Variants in NIN observed in about 807,000 individuals in gnomAD.
The protein encoded by NIN is ninein, also known as glycogen synthase kinase 3 beta-interacting protein.
Under a neutral mutation model 257.6 loss-of-function variants are expected in NIN, and 137 were observed. The ratio of observed to expected loss-of-function variants is 0.53; its 90% CI spans 0.46 to 0.61. The LOEUF is 0.61. Among genes scored for constraint, NIN ranks in the 20% least tolerant of loss-of-function variants. The pLI is 0.00. For synonymous variants in NIN, 918 were observed against 919.8 expected, an observed-to-expected ratio of 1.00 and a Z score of 0.04; for missense variants, 2,439 against 2,501.2, an observed-to-expected ratio of 0.98 and a Z score of 0.53.
Position 50,754,761 on chromosome 14 carries a change from C to A in NIN, c.4645G>T (p.Gly1549Ter). 6.3e-7 allele frequency: 1 copy of A among 1,581,752 alleles called. No individual in the cohort carries two copies. The highest frequency in any genetic ancestry group is 8.6e-7 in the Non-Finnish European group (1 of 1,160,078). Residue 1549 changes from glycine (G) to a stop codon, truncating the protein, a stop_gained, in exon 19 of 31, where the codon GGA becomes TGA. Coordinates refer to ENST00000530997, the MANE Select transcript of NIN (RefSeq NM_020921.4). LOFTEE classifies it high-confidence loss of function. ...TCTTACCACATTTCTTCCTGAGATC[C>A]ATTTAATGTCCCTAATTTCAGGTTA... ...ISNLKLGTLNGSQEEMWQKTE... is the reference protein window; with the variant it reads ...ISNLKLGTLN
intron 2 of NIN, among the ~76,000 whole-genome samples, chr14:50,828,796 G>A (rs571394554): frequency 2.1e-4 from 32 of 152,276 alleles, no homozygotes; most frequent in African/African-American, 7.2e-4. Flanking sequence ...ATTACATTAA[G>A]ATTGGCTGTT....
intron 3 of NIN, among the ~76,000 whole-genome samples, chr14:50,817,482 T>C (rs949296213): frequency 3.3e-5 from 5 of 152,220 alleles, no homozygotes; most frequent in Non-Finnish European, 7.3e-5. Flanking sequence ...CTAAATTATA[T>C]ATATTTGTAC....
rs762140173 is a variant in NIN at position 50,739,389 on chromosome 14, C to CTGT, written c.5544_5546dup (p.Gln1850dup). The CTGT allele has an allele frequency of 2.6e-5, 42 of 1,614,104 alleles. No individual in the cohort carries two copies. Among genetic ancestry groups the CTGT allele is most frequent in the Non-Finnish European group, 2.7e-5 (32 of 1,180,038 alleles). ...TCTCATTCTCTTGCCAAAGCAGCTG[C>CTGT]TGTTCCTCATTCATCAGATGATCCA... On this transcript the variant is annotated inframe_insertion, in exon 26 of 31. Transcript: ENST00000530997.
In NIN at chr14:50,720,132, G is replaced by C. The variant is rs2040243265; in HGVS notation, c.*3331C>G. On this transcript the variant is annotated 3_prime_UTR_variant, in exon 31 of 31. Coordinates refer to ENST00000530997, the MANE Select transcript of NIN (RefSeq NM_020921.4). ...AAAACCAAAACTATTTTACAGTGCT[G>C]AGAGGTCCAGATAGGTCCAAACATG... 4.5e-6 allele frequency: 1 copy of C among 222,142 alleles called. No individual in the cohort carries two copies. The highest frequency in any genetic ancestry group is 2.2e-5 in the African/African-American group (1 of 44,724). The allele number at this position is 222,142 out of a possible 1,614,324, so 13.8% of individuals were successfully genotyped here.
rs1245766720 is a variant in NIN at position 50,770,842 on chromosome 14, C to T, written c.1259+10G>A. On this transcript the variant is annotated intron_variant, in intron 11 of 30. Coordinates refer to ENST00000530997, the MANE Select transcript of NIN (RefSeq NM_020921.4). ...GTGGGTGAGGAGGAGCCTCACTCTG[C>T]TGGCCTCACCTGAGGTTGTACTCAT... 2.5e-6 allele frequency: 4 copies of T among 1,610,242 alleles called. No individual in the cohort carries two copies. Among genetic ancestry groups the T allele is most frequent in the Non-Finnish European group, 3.4e-6 (4 of 1,178,342 alleles).
chr14:50,775,997 A>T (rs921965354), intron 7 of NIN, among the ~76,000 whole-genome samples: 2 of 152,180 alleles, frequency 1.3e-5, no homozygotes, highest in African/African-American at 4.8e-5. Flanking sequence ...AAAATAAATC[A>T]AAAGCTATTA....
chr14:50,818,905 AAAAAAC>A lies in NIN; in HGVS notation c.183+2963_183+2968del, dbSNP rs1176687015. On this transcript the variant is annotated intron_variant, in intron 3 of 30. Transcript: ENST00000530997. Reference sequence around the variant, plus strand: ...ATTAAACATTAGGCCTCAAAAAAAAAAAAAACAAGTTATTGAAGATGCGTTGTAATA... The same window carrying A: ...ATTAAACATTAGGCCTCAAAAAAAAAAAGTTATTGAAGATGCGTTGTAATA... 4.6e-5 allele frequency among the ~76,000 whole-genome samples: 7 copies of A among 152,346 alleles called. No individual in the cohort carries two copies. In the East Asian group the frequency reaches 1.3e-3, roughly 29 times the overall value.
At chr14:50,776,817 T>C (rs2042941315) in intron 7 of NIN, 132 bp downstream of exon 7, 1 of 797,870 alleles carries the variant, frequency 1.3e-6, no homozygotes. Context: ...AGAATCTTCA[T>C]GAATGACTTC....
rs888909647 is a variant in NIN at position 50,721,732 on chromosome 14, C to T, written c.*1731G>A. On this transcript the variant is annotated 3_prime_UTR_variant, in exon 31 of 31. Transcript: ENST00000530997. Reference sequence around the variant, plus strand: ...TTATCCAGGGGGAACTCAGGGCTTTCTGACAAGAGCTGTGCAAAAATTCAA... The same window carrying T: ...TTATCCAGGGGGAACTCAGGGCTTTTTGACAAGAGCTGTGCAAAAATTCAA... 9.1e-6 allele frequency: 2 copies of T among 220,662 alleles called. No individual in the cohort carries two copies. Among genetic ancestry groups the T allele is most frequent in the African/African-American group, 4.5e-5 (2 of 44,652 alleles). 13.7% of individuals were successfully genotyped at this position (220,662 alleles called of 1,614,324 possible).
intron 2 of NIN, among the ~76,000 whole-genome samples, chr14:50,822,386 G>A (rs72683653): frequency 0.02 from 3,116 of 152,330 alleles, 44 homozygotes; most frequent in Non-Finnish European, 0.034. Context: ...GTTCTCAGGC[G>A]GACAGCCAGA....
chr14:50,808,291 C>T (rs1313277977), intron 3 of NIN, among the ~76,000 whole-genome samples: 3 of 152,228 alleles, frequency 2.0e-5, no homozygotes, highest in African/African-American at 7.2e-5. Context: ...CAAGGATAGG[C>T]TCCAGTTAAC....
At chr14:50,800,439 T>C (rs2044048043) in intron 4 of NIN, among the ~76,000 whole-genome samples, 1 of 152,248 alleles carries the variant, frequency 6.6e-6, no homozygotes, top group Non-Finnish European at 1.5e-5. Flanking sequence ...ATGTTGGTGC[T>C]TAAAAGTCTT....
intron 3 of NIN, among the ~76,000 whole-genome samples, chr14:50,814,905 G>T (rs971834567): frequency 1.3e-5 from 2 of 152,148 alleles, no homozygotes; most frequent in Non-Finnish European, 1.5e-5. Flanking sequence ...GTAGATTAAA[G>T]ATTTAAATGT....
intron 30 of NIN, chr14:50,724,243 G>A (rs948331314): frequency 9.6e-6 from 2 of 207,358 alleles, no homozygotes; most frequent in Non-Finnish European, 2.0e-5. Flanking sequence ...GGTTGGGGTG[G>A]GAAAACTTGT....
In NIN at chr14:50,827,591, C is replaced by CA. The variant is rs11351454; in HGVS notation, c.-22+2872dup. Reference sequence around the variant, plus strand: ...TGAAACCCTGTCTCTACTAAAAATACAAAAAAAAAAAAAAAAATAGCTAGG... The same window carrying CA: ...TGAAACCCTGTCTCTACTAAAAATACAAAAAAAAAAAAAAAAAATAGCTAGG... On this transcript the variant is annotated intron_variant, in intron 2 of 30. Coordinates refer to ENST00000530997, the MANE Select transcript of NIN (RefSeq NM_020921.4). Among the ~76,000 whole-genome samples, 56 of 137,108 alleles carry CA rather than the reference C, an allele frequency of 4.1e-4. 1 individual carries two copies. The highest frequency in any genetic ancestry group is 1.3e-3 in the African/African-American group (48 of 36,448). The allele number at this position is 137,108 out of a possible 152,430, so 89.9% of individuals were successfully genotyped here.
Position 50,729,580 on chromosome 14 carries a change from T to TA in NIN, c.6020dup (p.Asn2008LysfsTer9). 1 of 1,614,158 alleles carries TA rather than the reference T, an allele frequency of 6.2e-7. No individual in the cohort carries two copies. Among genetic ancestry groups the TA allele is most frequent in the Non-Finnish European group, 8.5e-7 (1 of 1,180,020 alleles). The stretch of plus-strand genomic sequence containing the variant: ...CAAGTTCCTCCTGCAGGTGCTGGTT[T>TA]ATCCTTTCTGCCTGCAGCAGCTGGC... On this transcript the variant is annotated frameshift_variant, in exon 29 of 31. Transcript: ENST00000530997. LOFTEE classifies it high-confidence loss of function.
At chr14:50,746,949 C>T (rs1408022002) in intron 22 of NIN, among the ~76,000 whole-genome samples, 2 of 152,198 alleles carry the variant, frequency 1.3e-5, no homozygotes, top group African/African-American at 4.8e-5. Context: ...GGAGGCTTGA[C>T]TTCCCGAGCT....
intron 14 of NIN, 68 bp downstream of exon 14, chr14:50,766,239 G>A: frequency 1.7e-6 from 2 of 1,172,130 alleles, no homozygotes; most frequent in Non-Finnish European, 2.6e-6. Flanking sequence ...CACAGAGCTA[G>A]GGAACGGGGA....
At chr14:50,767,789 C>G (rs573231975) in intron 12 of NIN, among the ~76,000 whole-genome samples, 4 of 149,904 alleles carry the variant, frequency 2.7e-5, no homozygotes, top group African/African-American at 9.8e-5. Flanking sequence ...TGCACTCCAG[C>G]CTGGGCGACA....
Sources: allele counts gnomAD v4.1 joint callset (sites outside exome capture counted in the v4.1 genomes callset), GRCh38; gene constraint gnomAD v4.1.1; transcripts MANE v1.5; gene names NCBI Gene and HGNC (gene_info 2026-07-23, HGNC 2026-07-21).